The following TACC3 variants were observed in gnomAD, a reference collection of about 807,000 sequenced individuals.
TACC3 encodes the protein transforming acidic coiled-coil-containing protein 3.
Under a neutral mutation model 86.0 loss-of-function variants are expected in TACC3, and 52 were observed. That is an observed-to-expected ratio of 0.60 (90% CI 0.48 to 0.76). The LOEUF (loss-of-function observed/expected upper bound fraction) is 0.76. Among genes scored for constraint, TACC3 ranks in the 30% least tolerant of loss-of-function variants. TACC3 has a pLI of 0.00. For missense variants in TACC3, 1,120 were observed against 1,070.4 expected (o/e 1.05, Z -0.65); for synonymous variants, 512 against 430.0 (o/e 1.19, Z -2.36).
intron 1 of TACC3, chr4:1,723,127 G>C (rs1317949206): frequency 4.8e-6 from 2 of 419,894 alleles, no homozygotes; most frequent in Non-Finnish European, 8.7e-6. Context: ...ATGCAGGCTT[G>C]GGTTTTCTTT....
chr4:1,734,720 G>C (rs1268915795), intron 6 of TACC3, among the ~76,000 whole-genome samples: 2 of 152,046 alleles, frequency 1.3e-5, no homozygotes, highest in African/African-American at 2.4e-5. Context: ...GCCCAGGTTG[G>C]AGTGCAGTGG....
At chr4:1,722,411 C>T (rs1302171122) in intron 1 of TACC3, among the ~76,000 whole-genome samples, 4 of 152,212 alleles carry the variant, frequency 2.6e-5, no homozygotes, top group Admixed American at 2.0e-4. Flanking sequence ...CCATATGTGC[C>T]AGTGGCCAGG....
At position 1,728,277 on chromosome 4, in the gene TACC3, C is replaced by T. The variant is rs746322291; in HGVS notation, c.875C>T (p.Thr292Ile). 1.9e-6 allele frequency: 3 copies of T among 1,612,756 alleles called. No individual in the cohort carries two copies. The highest frequency in any genetic ancestry group is 2.5e-6 in the Non-Finnish European group (3 of 1,180,010). Residue 292 changes from threonine (T) to isoleucine (I), a missense_variant, in exon 4 of 16, where the codon ACC becomes ATC. Thr to Ile is a moderately conservative substitution (Grantham distance 89). Coordinates refer to ENST00000313288, the MANE Select transcript of TACC3 (RefSeq NM_006342.3). Reference protein sequence around the residue: ...PVPADGTQTLTCAHTSAPEST... With the variant: ...PVPADGTQTLICAHTSAPEST... ...CCAGCAGATGGCACTCAGACCCTTA[C>T]CTGTGCACACACCTCTGCTCCTGAG... is the stretch of plus-strand genomic sequence containing the variant.
Position 1,727,929 on chromosome 4 carries a change from G to C in TACC3, c.527G>C (p.Gly176Ala), listed in dbSNP as rs1450741148. Residue 176 changes from glycine (G) to alanine (A), a missense_variant, in exon 4 of 16, where the codon GGC becomes GCC. Gly to Ala is a moderately conservative substitution (Grantham distance 60). Coordinates refer to ENST00000313288, the MANE Select transcript of TACC3 (RefSeq NM_006342.3). ...ATGGTGTCTCCAGGAAAAGTGTCTG[G>C]CAGCCCTGAGCAAGCCGTGGAGGAA... ...NQMVSPGKVS[G>A]SPEQAVEENL... 1.2e-6 allele frequency: 2 copies of C among 1,613,928 alleles called. No homozygotes were observed. Among genetic ancestry groups the C allele is most frequent in the East Asian group, 4.5e-5 (2 of 44,890 alleles).
chr4:1,743,253 TCAAAAA>T (rs768975840), intron 13 of TACC3, among the ~76,000 whole-genome samples: 18 of 65,842 alleles, frequency 2.7e-4, no homozygotes, highest in African/African-American at 1.0e-3. Context: ...AGACTCCGTC[TCAAAAA>T]AAAAAAAAAA....
At position 1,731,361 on chromosome 4, in the gene TACC3, T is replaced by C. The variant is rs560808867; in HGVS notation, c.1591+60T>C. 269 of 1,586,504 alleles carry C rather than the reference T, an allele frequency of 1.7e-4. 1 individual carries two copies. The highest frequency in any genetic ancestry group is 2.2e-4 in the Non-Finnish European group (253 of 1,161,508). Reference sequence around the variant, plus strand: ...GCCCGGAGGGGATCCCGTGAGCACTTGGGCAGCTCGAGACACCTGCATCAT... The same window carrying C: ...GCCCGGAGGGGATCCCGTGAGCACTCGGGCAGCTCGAGACACCTGCATCAT... On this transcript the variant is annotated intron_variant, in intron 6 of 15. Coordinates refer to ENST00000313288, the MANE Select transcript of TACC3 (RefSeq NM_006342.3).
chr4:1,743,152 C>T (rs1233729087), intron 13 of TACC3, among the ~76,000 whole-genome samples: 1 of 150,714 alleles, frequency 6.6e-6, no homozygotes, highest in African/African-American at 2.4e-5. Flanking sequence ...GTCCCAGCTA[C>T]TTGGGAGGCT....
At chr4:1,737,539 A>T in intron 9 of TACC3, 59 bp from the exon 10 acceptor site, 1 of 1,334,852 alleles carries the variant, frequency 7.5e-7, no homozygotes, top group Non-Finnish European at 1.0e-6. Flanking sequence ...CCCTCACACT[A>T]GGTCAGAGGT....
Position 1,723,538 on chromosome 4 carries a change from A to C in TACC3, c.117A>C (p.Ser39=), listed in dbSNP as rs762871936. ...VTGRSSVLRV[S]QKENVPPKNL... is the part of the protein sequence containing the mutation. ...GAAGATCGTCTGTTCTTCGTGTGTC[A>C]CAGAAAGAAAATGTGCCACCCAAGA... The change falls in exon 2 of 16, where the codon TCA becomes TCC. Residue 39 remains serine (S), a synonymous_variant. Coordinates refer to ENST00000313288, the MANE Select transcript of TACC3 (RefSeq NM_006342.3). 11 of 1,613,750 alleles carry C rather than the reference A, an allele frequency of 6.8e-6. No individual in the cohort carries two copies. The highest frequency in any genetic ancestry group is 9.3e-6 in the Non-Finnish European group (11 of 1,179,956).
Position 1,739,523 on chromosome 4 carries a change from GA to G in TACC3, c.1942-178del, listed in dbSNP as rs539614266. 785 of 612,310 alleles carry G rather than the reference GA, an allele frequency of 1.3e-3. 7 individuals carry two copies. Among genetic ancestry groups the G allele is most frequent in the African/African-American group, 0.013 (685 of 54,336 alleles). 37.9% of individuals were successfully genotyped at this position (612,310 alleles called of 1,614,324 possible). On this transcript the variant is annotated intron_variant, in intron 10 of 15. Transcript: ENST00000313288. ...GCCCCCTGGCAGTCGGGTGCACGTG[GA>G]GCAGGTGGCCTTGGCCTCGACAGGG...
At position 1,739,689 on chromosome 4, in the gene TACC3, G is replaced by A. The variant is rs76003623; in HGVS notation, c.1942-13G>A. 1.8e-3 allele frequency: 2,867 copies of A among 1,569,826 alleles called. 43 individuals carry two copies. The African/African-American group carries it at 0.035, about 19-fold the overall frequency. On this transcript the variant is annotated splice_polypyrimidine_tract_variant and intron_variant, in intron 10 of 15. Transcript: ENST00000313288. The stretch of plus-strand genomic sequence containing the variant: ...GGCCCGCCTGCCTGCTGACTTGGGT[G>A]TGGCCTGAGCAGGTAAAGGCGACAC...
intron 3 of TACC3, among the ~76,000 whole-genome samples, chr4:1,727,131 A>T (rs79567088): frequency 7.3e-6 from 1 of 137,688 alleles, no homozygotes; most frequent in Non-Finnish European, 1.5e-5. Flanking sequence ...AATCCGTCTC[A>T]AAAAAAAAAA....
Position 1,729,317 on chromosome 4 carries a change from CAA to C in TACC3, c.1385+531_1385+532del, listed in dbSNP as rs771960821. On this transcript the variant is annotated intron_variant, in intron 4 of 15. Transcript: ENST00000313288. ...GGTTTTTTCTCCTCGTGTGCATAGA[CAA>C]GAGATTGTACAAATAAAGACACAAG... is the stretch of plus-strand genomic sequence containing the variant. 3.3e-5 allele frequency among the ~76,000 whole-genome samples: 5 copies of C among 151,988 alleles called. No homozygotes were observed. In the East Asian group the frequency reaches 7.7e-4, roughly 23 times the overall value.
At chr4:1,724,437 C>G (rs974727425) in intron 3 of TACC3, among the ~76,000 whole-genome samples, 2 of 130,512 alleles carry the variant, frequency 1.5e-5, no homozygotes, top group African/African-American at 6.1e-5. Context: ...GTCACCCAGG[C>G]TGGAGTGCAG....
At chr4:1,741,442 G>A (rs2166580) in intron 13 of TACC3, 117,250 of 153,258 alleles carry the variant, frequency 0.77, 45,073 homozygotes, top group East Asian at 0.85. Flanking sequence ...TCCTGGCCAC[G>A]GGACTCTGAG....
In TACC3 at chr4:1,735,620, AGT is replaced by A; in HGVS notation, c.1645-107_1645-106del. ...AGGGTTGTGGGTGACCGGGGGTGGG[AGT>A]GTGCGGGTGACCGGGGGTGGGAGTG... On this transcript the variant is annotated intron_variant, in intron 7 of 15. Transcript: ENST00000313288. The surrounding 1 kb of genome is among the most constrained non-coding windows in gnomAD (Gnocchi z 4.2). 1 of 846,148 alleles carries A rather than the reference AGT, an allele frequency of 1.2e-6. No homozygotes were observed. Among genetic ancestry groups the A allele is most frequent in the East Asian group, 2.5e-5 (1 of 40,562 alleles). 52.4% of individuals were successfully genotyped at this position (846,148 alleles called of 1,614,324 possible). A position where few individuals can be genotyped will look rare whatever the true frequency, so the allele number is the denominator to read the frequency against.
rs764851613 is a variant in TACC3, at chr4:1,727,783, C to T, written c.381C>T (p.Asp127=). ...ILQKPVEADT[D]LLGDASPAFG... ...AGAAACCAGTGGAGGCTGACACCGA[C>T]CTCCTGGGGGATGCAAGCCCAGCCT... The change falls in exon 4 of 16, where the codon GAC becomes GAT. Residue 127 remains aspartate, a synonymous_variant. Transcript: ENST00000313288. 6.2e-6 allele frequency: 10 copies of T among 1,612,714 alleles called. No homozygotes were observed. The highest frequency in any genetic ancestry group is 2.2e-5 in the East Asian group (1 of 44,894).
intron 4 of TACC3, among the ~76,000 whole-genome samples, chr4:1,730,052 T>TTGTTTGTTTGTG (rs1024744784): frequency 1.1e-4 from 16 of 152,162 alleles, no homozygotes; most frequent in African/African-American, 3.1e-4. Context: ...GTTTGTTTGT[T>TTGTTTGTTTGTG]TTTTGAGACA....
intron 3 of TACC3, among the ~76,000 whole-genome samples, chr4:1,725,751 A>G (rs1179470362): frequency 6.6e-6 from 1 of 152,192 alleles, no homozygotes; most frequent in Non-Finnish European, 1.5e-5. Context: ...TCCTTTCTGG[A>G]ACTCTGCTGA....
Sources: allele counts gnomAD v4.1 joint callset (sites outside exome capture counted in the v4.1 genomes callset), GRCh38; gene constraint gnomAD v4.1.1; non-coding constraint Gnocchi (gnomAD v3.1); transcripts MANE v1.5; gene names NCBI Gene and HGNC (gene_info 2026-07-23, HGNC 2026-07-21).